CTIF: variants seen among roughly 807,000 people sequenced by gnomAD.
CTIF encodes CBP80/20-dependent translation initiation factor.
Under a neutral mutation model 66.0 loss-of-function variants are expected in CTIF, and 21 were observed. That is an observed-to-expected ratio of 0.32 (90% CI 0.23 to 0.46). The LOEUF (loss-of-function observed/expected upper bound fraction) is 0.46, where lower values mean the gene tolerates loss of function less well. CTIF is among the 20% of genes least tolerant of loss of function. The pLI, the probability that CTIF is intolerant of heterozygous loss-of-function variation, is 1.00. For missense variants in CTIF, 739 were observed against 812.7 expected (o/e 0.91, Z 1.10); for synonymous variants, 345 against 326.4 (o/e 1.06, Z -0.62).
rs375772096 is a variant in CTIF, at chr18:48,761,587, C to T, written c.1269C>T (p.Ser423=). The T allele has an allele frequency of 8.7e-6, 14 of 1,614,034 alleles. No individual in the cohort carries two copies. The highest frequency in any genetic ancestry group is 4.0e-5 in the African/African-American group (3 of 74,924). Residue 423 remains serine (S), a synonymous_variant, in exon 9 of 12, where the codon TCC becomes TCT. Transcript: ENST00000256413. The surrounding 1 kb of genome is among the most constrained non-coding windows in gnomAD (Gnocchi z 4.2). ...IVRTIYQKAV[S]DRSFAFTAAK... ...GCACAATCTACCAGAAGGCTGTGTCCGACCGCAGCTTCGCCTTCACCGCTG... is the reference window on the plus strand; with the variant it reads ...GCACAATCTACCAGAAGGCTGTGTCTGACCGCAGCTTCGCCTTCACCGCTG...
chr18:48,838,023 C>T (rs1039427420), intron 10 of CTIF, among the ~76,000 whole-genome samples: 2 of 152,106 alleles, frequency 1.3e-5, no homozygotes, highest in African/African-American at 4.8e-5. Context: ...AAACAAAGTC[C>T]GTCTTCCCTG....
intron 2 of CTIF, chr18:48,621,465 C>T (rs567770906): frequency 1.3e-4 from 40 of 311,086 alleles, no homozygotes; most frequent in African/African-American, 6.3e-4. Context: ...AGGACTGTGT[C>T]GTCAGGAGGT....
At chr18:48,609,321 T>C (rs2090264856) in intron 1 of CTIF, among the ~76,000 whole-genome samples, 1 of 151,992 alleles carries the variant, frequency 6.6e-6, no homozygotes, top group Non-Finnish European at 1.5e-5. Flanking sequence ...AGGGAGGAGG[T>C]GTGCCCAGAG....
Position 48,820,571 on chromosome 18 carries a change from G to A in CTIF, c.1527+3195G>A, listed in dbSNP as rs573309627. Among the ~76,000 whole-genome samples the A allele has an allele frequency of 1.6e-4, 25 of 152,222 alleles. 1 individual carries two copies. In the South Asian group the frequency reaches 5.0e-3, roughly 30 times the overall value. ...GGTCATACCTCAGGACCCTCCAAAA[G>A]GATGTGGTCAGAACTGCACCCCAAG... On this transcript the variant is annotated intron_variant, in intron 10 of 11. Coordinates refer to ENST00000256413, the MANE Select transcript of CTIF (RefSeq NM_014772.3).
intron 1 of CTIF, among the ~76,000 whole-genome samples, chr18:48,551,654 A>G (rs868457620): frequency 1.3e-5 from 2 of 152,158 alleles, no homozygotes; most frequent in Non-Finnish European, 2.9e-5. Context: ...GAGGTCACAC[A>G]GGGAAGCCAG....
chr18:48,685,787 C>T (rs2091830982), intron 6 of CTIF, among the ~76,000 whole-genome samples: 1 of 151,646 alleles, frequency 6.6e-6, no homozygotes, highest in African/African-American at 2.4e-5. Flanking sequence ...AGTGATTCTC[C>T]TGCCTCAGCC....
intron 7 of CTIF, among the ~76,000 whole-genome samples, chr18:48,712,741 C>G (rs2092239862): frequency 1.3e-5 from 2 of 152,356 alleles, no homozygotes; most frequent in East Asian, 1.9e-4. Flanking sequence ...GGCTGGCCAC[C>G]TCCTTAGGCT....
intron 1 of CTIF, among the ~76,000 whole-genome samples, chr18:48,603,369 A>AGATGGATGGATGGATGGATG (rs754747962): frequency 0.21 from 25,949 of 122,868 alleles, 3,213 homozygotes; most frequent in African/African-American, 0.27. Context: ...ATAGGTGGGT[A>AGATGGATGGATGGATGGATG]GATGGATGGA....
chr18:48,780,903 C>G (rs1911143924), intron 9 of CTIF, among the ~76,000 whole-genome samples: 1 of 152,184 alleles, frequency 6.6e-6, no homozygotes, highest in African/African-American at 2.4e-5. Context: ...CCATCTGTCC[C>G]TCCCTCTCTC....
At chr18:48,612,584 G>A (rs1390800746) in intron 1 of CTIF, among the ~76,000 whole-genome samples, 1 of 152,244 alleles carries the variant, frequency 6.6e-6, no homozygotes, top group Admixed American at 6.5e-5. Context: ...GACATGGGAA[G>A]CGGCCACAGG....
At chr18:48,691,310 T>G (rs964684356) in intron 6 of CTIF, among the ~76,000 whole-genome samples, 1 of 152,140 alleles carries the variant, frequency 6.6e-6, no homozygotes, top group Non-Finnish European at 1.5e-5. Context: ...GGCCCTCTGG[T>G]GCCGAAGACA....
chr18:48,663,905 G>A (rs1248324921), intron 4 of CTIF, 80 bp downstream of exon 4: 1 of 1,232,122 alleles, frequency 8.1e-7, no homozygotes, highest in Non-Finnish European at 1.2e-6. Context: ...AATGAACGCT[G>A]ATGGTTCATG....
intron 10 of CTIF, among the ~76,000 whole-genome samples, chr18:48,841,936 G>C (rs573992484): frequency 1.3e-5 from 2 of 152,316 alleles, no homozygotes; most frequent in Non-Finnish European, 2.9e-5. Context: ...ACACAAAAGA[G>C]AACTCCACCC....
intron 7 of CTIF, among the ~76,000 whole-genome samples, chr18:48,752,967 G>A (rs1236467467): frequency 2.0e-5 from 3 of 152,272 alleles, no homozygotes; most frequent in East Asian, 1.9e-4. Flanking sequence ...TGTGTGTGGC[G>A]ACTTTTGTTC....
chr18:48,590,242 G>T (rs2089860393), intron 1 of CTIF, among the ~76,000 whole-genome samples: 2 of 152,248 alleles, frequency 1.3e-5, no homozygotes, highest in African/African-American at 4.8e-5. Context: ...CTGCTCTGGG[G>T]CCACACTGGA....
At chr18:48,567,521 C>T (rs1300665124) in intron 1 of CTIF, 4 of 152,130 alleles carry the variant, frequency 2.6e-5, no homozygotes, top group Admixed American at 6.5e-5. Context: ...CCAGGGACGA[C>T]GATAGTTGAG....
intron 7 of CTIF, among the ~76,000 whole-genome samples, chr18:48,743,869 A>G: frequency 6.6e-6 from 1 of 152,230 alleles, no homozygotes; most frequent in South Asian, 2.1e-4. Context: ...AGCAAGATTC[A>G]GCTGTGGCAG....
chr18:48,634,762 C>T (rs1223576021), intron 2 of CTIF, among the ~76,000 whole-genome samples: 1 of 152,196 alleles, frequency 6.6e-6, no homozygotes, highest in Non-Finnish European at 1.5e-5. Context: ...CAAGGAGTGC[C>T]TCTGACACCG....
intron 1 of CTIF, among the ~76,000 whole-genome samples, chr18:48,547,508 G>A (rs927600182): frequency 6.6e-6 from 1 of 152,190 alleles, no homozygotes; most frequent in Non-Finnish European, 1.5e-5. Flanking sequence ...CTGCAGCAGC[G>A]CTTGGTTCCA....
Sources: allele counts gnomAD v4.1 joint callset (sites outside exome capture counted in the v4.1 genomes callset), GRCh38; gene constraint gnomAD v4.1.1; non-coding constraint Gnocchi (gnomAD v3.1); transcripts MANE v1.5; gene names NCBI Gene and HGNC (gene_info 2026-07-23, HGNC 2026-07-21).